The following UBAP2 variants were observed in gnomAD, a reference collection of about 807,000 sequenced individuals.
UBAP2 encodes the protein ubiquitin associated protein 2, also known as ubiquitin-associated protein 2.
A neutral mutation model predicts 139.6 loss-of-function variants in UBAP2; 75 were observed. That is an observed-to-expected ratio of 0.54 (90% CI 0.45 to 0.65). The LOEUF (loss-of-function observed/expected upper bound fraction) is 0.65, where lower values mean the gene tolerates loss of function less well. UBAP2 is among the 30% of genes least tolerant of loss of function. UBAP2 has a pLI of 0.00. For synonymous variants in UBAP2, 526 were observed against 526.2 expected (o/e 1.00, Z 0.01); for missense variants, 1,368 against 1,369.6 (o/e 1.00, Z 0.02).
intron 6 of UBAP2, among the ~76,000 whole-genome samples, chr9:33,979,197 C>T (rs992292936): frequency 6.6e-6 from 1 of 152,140 alleles, no homozygotes; most frequent in Non-Finnish European, 1.5e-5. Flanking sequence ...ATGATCATGC[C>T]ACTGTACTCC....
rs572686693 is a variant in UBAP2 at position 34,026,672 on chromosome 9, C to T, written c.-41-9483G>A. Among the ~76,000 whole-genome samples the T allele has an allele frequency of 5.9e-5, 9 of 152,302 alleles. No homozygotes were observed. The South Asian group carries it at 8.3e-4, about 14-fold the overall frequency. On this transcript the variant is annotated intron_variant, in intron 1 of 28. Coordinates refer to ENST00000379238, the MANE Select transcript of UBAP2 (RefSeq NM_001370062.2). The stretch of plus-strand genomic sequence containing the variant: ...ACTATGTGCCAGACACCATTCTAAG[C>T]ACTTTATATGTACAGTATTAAGTCA...
intron 7 of UBAP2, among the ~76,000 whole-genome samples, chr9:33,972,173 C>A (rs764859224): frequency 6.6e-6 from 1 of 152,192 alleles, no homozygotes. Context: ...TGCTCCTTTA[C>A]AGAAACATTA....
chr9:33,941,612 G>A (rs780691853), intron 16 of UBAP2, 37 bp downstream of exon 16: 6 of 1,522,942 alleles, frequency 3.9e-6, no homozygotes, highest in South Asian at 3.4e-5. Flanking sequence ...CAAATAAGAC[G>A]GACATCTTCT....
chr9:33,958,752 C>T (rs1166761470), intron 10 of UBAP2, among the ~76,000 whole-genome samples: 13 of 143,732 alleles, frequency 9.0e-5, no homozygotes, highest in Non-Finnish European at 1.5e-5. Context: ...TGACGGCACG[C>T]ACCTGTAATC....
At chr9:34,025,893 T>C (rs767061006) in intron 1 of UBAP2, among the ~76,000 whole-genome samples, 4 of 152,222 alleles carry the variant, frequency 2.6e-5, no homozygotes, top group Non-Finnish European at 5.9e-5. Flanking sequence ...CTGCTGTTTT[T>C]TTCAAGGACC....
chr9:34,004,770 C>A (rs1476566251), intron 2 of UBAP2, among the ~76,000 whole-genome samples: 1 of 145,376 alleles, frequency 6.9e-6, no homozygotes, highest in Non-Finnish European at 1.5e-5. Flanking sequence ...GGCAAAAGAG[C>A]GAGATTCTGT....
Position 33,939,458 on chromosome 9 carries a change from A to G in UBAP2, c.1929+2191T>C, listed in dbSNP as rs1587528385. 2.0e-5 allele frequency among the ~76,000 whole-genome samples: 3 copies of G among 151,452 alleles called. No homozygotes were observed. In the East Asian group the frequency reaches 5.9e-4, roughly 30 times the overall value. ...AGGTGATCTGCCTGCCTCAGCCTCC[A>G]AAAGTGCTGGGATTACAGGAGTGAG... On this transcript the variant is annotated intron_variant, in intron 16 of 28. Coordinates refer to ENST00000379238, the MANE Select transcript of UBAP2 (RefSeq NM_001370062.2).
At position 33,923,780 on chromosome 9, in the gene UBAP2, C is replaced by T. The variant is rs200624840; in HGVS notation, c.2796+15G>A. 4 of 1,613,540 alleles carry T rather than the reference C, an allele frequency of 2.5e-6. No homozygotes were observed. The East Asian group carries it at 6.7e-5, about 27-fold the overall frequency. On this transcript the variant is annotated intron_variant, in intron 24 of 28. Coordinates refer to ENST00000379238, the MANE Select transcript of UBAP2 (RefSeq NM_001370062.2). The stretch of plus-strand genomic sequence containing the variant: ...CAAGGCCAGGAGACACAGTCACACC[C>T]TCTGAAATACTCACAAACATGGTGG...
At chr9:33,997,332 A>C (rs1294197112) in intron 3 of UBAP2, 1 of 152,210 alleles carries the variant, frequency 6.6e-6, no homozygotes, top group Non-Finnish European at 1.5e-5. Context: ...TATCTATTGC[A>C]TTTTAACTAC....
intron 1 of UBAP2, among the ~76,000 whole-genome samples, chr9:34,043,659 A>G (rs1047102414): frequency 1.3e-5 from 2 of 151,928 alleles, no homozygotes; most frequent in African/African-American, 4.8e-5. Context: ...ATGCCCAGTT[A>G]ATTTTTACAT....
chr9:33,925,373 T>C (rs1823337739), intron 22 of UBAP2, among the ~76,000 whole-genome samples: 1 of 152,022 alleles, frequency 6.6e-6, no homozygotes, highest in South Asian at 2.1e-4. Flanking sequence ...ACGAGAATTC[T>C]CCAGGCAGGA....
In UBAP2 at chr9:33,921,879, T is replaced by A. The variant is rs1182285825; in HGVS notation, c.*625A>T. 1.3e-5 allele frequency: 2 copies of A among 152,078 alleles called. No homozygotes were observed. The allele number at this position is 152,078 out of a possible 1,614,324, so 9.4% of individuals were successfully genotyped here. On this transcript the variant is annotated 3_prime_UTR_variant, in exon 29 of 29. Coordinates refer to ENST00000379238, the MANE Select transcript of UBAP2 (RefSeq NM_001370062.2). ...TTTTTCATGGTCAGCCAGTCTCTAG[T>A]AAGTCTCTAGGGACATGACCAGACC... is the stretch of plus-strand genomic sequence containing the variant.
chr9:34,009,712 T>C (rs1823577736), intron 2 of UBAP2, among the ~76,000 whole-genome samples: 1 of 152,026 alleles, frequency 6.6e-6, no homozygotes, highest in Non-Finnish European at 1.5e-5. Context: ...CTCCCACCTC[T>C]GCTGGGACTA....
intron 1 of UBAP2, 68 bp from the exon 2 acceptor site, chr9:34,017,257 C>G (rs1038945275): frequency 1.6e-6 from 1 of 631,202 alleles, no homozygotes; most frequent in Non-Finnish European, 2.5e-6. Flanking sequence ...TCAGAGAAAA[C>G]AAGGACACTT....
intron 1 of UBAP2, among the ~76,000 whole-genome samples, chr9:34,039,516 C>A (rs1587703590): frequency 6.6e-6 from 1 of 152,140 alleles, no homozygotes; most frequent in Non-Finnish European, 1.5e-5. Flanking sequence ...AAGAAAAATT[C>A]TTCTGCCTTG....
chr9:33,996,171 C>T, intron 4 of UBAP2, 52 bp downstream of exon 4: 2 of 1,379,230 alleles, frequency 1.5e-6, no homozygotes, highest in Non-Finnish European at 2.0e-6. Context: ...TGAAAATGTG[C>T]TACGGAATTG....
At chr9:33,965,196 G>A (rs1827354101) in intron 8 of UBAP2, among the ~76,000 whole-genome samples, 1 of 152,122 alleles carries the variant, frequency 6.6e-6, no homozygotes, top group Admixed American at 6.6e-5. Flanking sequence ...ACAATTTAGT[G>A]GCACAGAGTA....
chr9:33,925,125 C>T (rs1823309520), intron 22 of UBAP2, among the ~76,000 whole-genome samples: 1 of 152,106 alleles, frequency 6.6e-6, no homozygotes, highest in Non-Finnish European at 1.5e-5. Context: ...ACTCACCATC[C>T]AGGGCCTCGC....
chr9:33,966,750 ATTG>A (rs769615972), intron 8 of UBAP2, among the ~76,000 whole-genome samples: 83 of 151,988 alleles, frequency 5.5e-4, no homozygotes, highest in Non-Finnish European at 1.1e-3. Flanking sequence ...TTTGTTTGCA[ATTG>A]TTCACTGCTA....
Sources: gnomAD v4.1 joint callset for allele counts (sites outside exome capture counted in the v4.1 genomes callset) on GRCh38, gnomAD v4.1.1 for gene constraint, MANE v1.5 for transcripts, NCBI Gene and HGNC (gene_info 2026-07-23, HGNC 2026-07-21) for gene names.